KLHDC4: variants seen among roughly 807,000 people sequenced by gnomAD.
KLHDC4 encodes kelch domain-containing protein 4.
A neutral mutation model predicts 62.4 loss-of-function variants in KLHDC4; 90 were observed. That is an observed-to-expected ratio of 1.44 (90% CI 1.22 to 1.72). The LOEUF (loss-of-function observed/expected upper bound fraction) is 1.72, where lower values mean the gene tolerates loss of function less well. Among genes scored for constraint, KLHDC4 ranks in the 40% most tolerant of loss-of-function variants. KLHDC4 has a pLI of 0.00. For synonymous variants in KLHDC4, 386 were observed against 284.4 expected (o/e 1.36, Z -3.59); for missense variants, 1,025 against 699.7 (o/e 1.47, Z -5.25).
At position 87,765,745 on chromosome 16, in the gene KLHDC4, T is replaced by G; in HGVS notation, c.99+47A>C. On this transcript the variant is annotated intron_variant, in intron 1 of 11. Transcript: ENST00000270583. ...GGGGGCGCAGGGAGTCGGCCGAGGC[T>G]GCACGGCCGCGACGTCGGGCCGCTA... 2.0e-6 allele frequency: 3 copies of G among 1,526,096 alleles called. No homozygotes were observed. The Admixed American group carries it at 5.9e-5, about 30-fold the overall frequency. The allele number at this position is 1,526,096 out of a possible 1,614,324, so 94.5% of individuals were successfully genotyped here. A position where few individuals can be genotyped will look rare whatever the true frequency, so the allele number is the denominator to read the frequency against.
At chr16:87,705,111 A>AGCT (rs2034506899), downstream of KLHDC4, among the ~76,000 whole-genome samples, 1 of 152,174 alleles carries the variant, frequency 6.6e-6, no homozygotes, top group Non-Finnish European at 1.5e-5. Context: ...AGGCTTCCTA[A>AGCT]CAGCCAGCAG....
At chr16:87,753,867 G>C (rs1392873935) in intron 4 of KLHDC4, among the ~76,000 whole-genome samples, 2 of 151,416 alleles carry the variant, frequency 1.3e-5, no homozygotes, top group Admixed American at 6.6e-5. Flanking sequence ...CAGCTACTCA[G>C]CGGGCTGAAG....
chr16:87,713,264 A>G (rs1322909358), intron 8 of KLHDC4, among the ~76,000 whole-genome samples: 3 of 151,482 alleles, frequency 2.0e-5, no homozygotes, highest in African/African-American at 7.3e-5. Context: ...CGGTGGTGCA[A>G]TCTCGGCTCA....
intron 5 of KLHDC4, among the ~76,000 whole-genome samples, chr16:87,748,212 A>G (rs57923382): frequency 0.23 from 34,423 of 152,132 alleles, 4,235 homozygotes; most frequent in South Asian, 0.31. Context: ...GAGGCTGAGC[A>G]GGGTTCACTG....
Position 87,708,350 on chromosome 16 carries a change from C to T in KLHDC4, c.*1G>A, listed in dbSNP as rs778815053. 6.3e-7 allele frequency: 1 copy of T among 1,589,170 alleles called. No homozygotes were observed. The highest frequency in any genetic ancestry group is 1.1e-5 in the South Asian group (1 of 89,832). ...CACCCGCCAGCCCGAGCCCGCTCACCTCAGTCCTCCGCACCGCTCTCCTCT... is the reference window on the plus strand; with the variant it reads ...CACCCGCCAGCCCGAGCCCGCTCACTTCAGTCCTCCGCACCGCTCTCCTCT... On this transcript the variant is annotated splice_region_variant and 3_prime_UTR_variant, in exon 11 of 12. Coordinates refer to ENST00000270583, the MANE Select transcript of KLHDC4 (RefSeq NM_017566.4).
In KLHDC4 at chr16:87,730,580, GGAT is replaced by G; in HGVS notation, c.568_570del (p.Ile190del). 3.1e-6 allele frequency: 5 copies of G among 1,612,888 alleles called. No individual in the cohort carries two copies. In the African/African-American group the frequency reaches 4.0e-5, roughly 13 times the overall value. On this transcript the variant is annotated inframe_deletion, in exon 6 of 12. Coordinates refer to ENST00000270583, the MANE Select transcript of KLHDC4 (RefSeq NM_017566.4). ...GTACTTTCATGGAAGCCACCAAACA[GGAT>G]CAATTGTCTCTTCCAGGCCACCATC...
At chr16:87,728,981 T>C (rs1220871103) in intron 6 of KLHDC4, among the ~76,000 whole-genome samples, 1 of 152,164 alleles carries the variant, frequency 6.6e-6, no homozygotes, top group African/African-American at 2.4e-5. Context: ...TTTGCCATGT[T>C]GGCCAGGCTG....
chr16:87,706,183 G>GC (rs1379348700), downstream of KLHDC4, among the ~76,000 whole-genome samples: 4 of 113,048 alleles, frequency 3.5e-5, no homozygotes, highest in South Asian at 3.2e-4. Context: ...GCAGCCCTCG[G>GC]GGGGGGGTCA....
At chr16:87,711,536 G>C in intron 8 of KLHDC4, 93 bp from the exon 9 acceptor site, 1 of 1,085,440 alleles carries the variant, frequency 9.2e-7, no homozygotes, top group Non-Finnish European at 1.3e-6. Flanking sequence ...GTGCCCCCCA[G>C]AATGGGGTAA....
At chr16:87,725,726 C>G (rs8062264) in intron 7 of KLHDC4, among the ~76,000 whole-genome samples, 20,114 of 152,086 alleles carry the variant, frequency 0.13, 1,486 homozygotes, top group South Asian at 0.22. Flanking sequence ...GCACACGCCC[C>G]ACGAGCAGCA....
At chr16:87,740,043 A>T (rs1195822197) in intron 5 of KLHDC4, among the ~76,000 whole-genome samples, 3 of 152,210 alleles carry the variant, frequency 2.0e-5, no homozygotes, top group African/African-American at 7.2e-5. Flanking sequence ...GTGGAGTCAC[A>T]GATCATCCCT....
chr16:87,746,228 C>A (rs1271422352), intron 5 of KLHDC4, among the ~76,000 whole-genome samples: 4 of 151,970 alleles, frequency 2.6e-5, no homozygotes, highest in Non-Finnish European at 5.9e-5. Flanking sequence ...TGTGATCACA[C>A]CACTGTATTC....
At chr16:87,745,861 G>A (rs373072947) in intron 5 of KLHDC4, among the ~76,000 whole-genome samples, 65 of 152,292 alleles carry the variant, frequency 4.3e-4, no homozygotes, top group South Asian at 1.2e-3. Context: ...ACCGCTGTGC[G>A]TCTCGTCAGG....
chr16:87,746,196 G>A (rs1037876648), intron 5 of KLHDC4, among the ~76,000 whole-genome samples: 2 of 152,152 alleles, frequency 1.3e-5, no homozygotes, highest in African/African-American at 4.8e-5. Flanking sequence ...CTTGAGCCCA[G>A]GAGTTTGAGG....
rs1023529190 is a variant in KLHDC4, at chr16:87,726,853, G to A, written c.671C>T (p.Ser224Leu). Reference protein sequence around the residue: ...DTFTWSKLSPSGTGPTPRSGC... With the variant: ...DTFTWSKLSPLGTGPTPRSGC... ...TGATCTGGGTGTGGGCCCCGTCCCT[G>A]ACGGGGACAGCTTGCTCCATGTGAA... The change falls in exon 7 of 12, where the codon TCA becomes TTA. Residue 224 changes from serine (S) to leucine (L), a missense_variant. Physicochemically the swap from Ser to Leu is moderately radical, Grantham distance 145. Coordinates refer to ENST00000270583, the MANE Select transcript of KLHDC4 (RefSeq NM_017566.4). 3.7e-6 allele frequency: 6 copies of A among 1,613,466 alleles called. No homozygotes were observed. Among genetic ancestry groups the A allele is most frequent in the African/African-American group, 1.3e-5 (1 of 74,828 alleles).
Position 87,756,144 on chromosome 16 carries a change from G to GCC in KLHDC4, c.270+253_270+254dup, listed in dbSNP as rs768666315. On this transcript the variant is annotated intron_variant, in intron 3 of 11. Transcript: ENST00000270583. The stretch of plus-strand genomic sequence containing the variant: ...GACAACCACAAAGAGGGGTGCGCCC[G>GCC]CCAAGAGTGATGACGGCAGAGCTGG... 599 of 335,820 alleles carry GCC rather than the reference G, an allele frequency of 1.8e-3. 3 individuals carry two copies. The highest frequency in any genetic ancestry group is 2.8e-3 in the Non-Finnish European group (487 of 176,064). The allele number at this position is 335,820 out of a possible 1,614,324, so 20.8% of individuals were successfully genotyped here. A position where few individuals can be genotyped will look rare whatever the true frequency, so the allele number is the denominator to read the frequency against.
intron 4 of KLHDC4, 107 bp downstream of exon 4, chr16:87,755,087 G>T: frequency 1.4e-6 from 1 of 720,364 alleles, no homozygotes; most frequent in Non-Finnish European, 2.4e-6. Flanking sequence ...GATCTACAGG[G>T]CCCAGCCCCT....
At chr16:87,706,456 C>T (rs981224424), downstream of KLHDC4, among the ~76,000 whole-genome samples, 19 of 132,502 alleles carry the variant, frequency 1.4e-4, no homozygotes, top group South Asian at 5.1e-4. Context: ...GCCGGCACAA[C>T]GCAAACACAA....
intron 4 of KLHDC4, among the ~76,000 whole-genome samples, chr16:87,754,083 T>G (rs1567815437): frequency 7.2e-6 from 1 of 139,808 alleles, no homozygotes; most frequent in Non-Finnish European, 1.6e-5. Context: ...GAAATTGCAG[T>G]GAGCTGATAT....
Sources: gnomAD v4.1 joint callset for allele counts (sites outside exome capture counted in the v4.1 genomes callset) on GRCh38, gnomAD v4.1.1 for gene constraint, MANE v1.5 for transcripts, NCBI Gene and HGNC (gene_info 2026-07-23, HGNC 2026-07-21) for gene names.